The following RC3H2 variants were observed in gnomAD, a reference collection of about 807,000 sequenced individuals.
The protein encoded by RC3H2 is ring finger and CCCH-type domains 2.
RC3H2 carries 31 observed loss-of-function variants against 133.3 expected under a neutral mutation model. The ratio of observed to expected loss-of-function variants is 0.23; its 90% CI spans 0.17 to 0.31. The LOEUF (loss-of-function observed/expected upper bound fraction) is 0.31. RC3H2 is among the 10% of genes least tolerant of loss of function. The pLI, the probability that RC3H2 is intolerant of heterozygous loss-of-function variation, is 1.00. For missense variants in RC3H2, 1,175 were observed against 1,437.2 expected, an observed-to-expected ratio of 0.82 and a Z score of 2.95; for synonymous variants, 517 against 502.2, an observed-to-expected ratio of 1.03 and a Z score of -0.40.
rs1832793061 is a variant in RC3H2, at chr9:122,905,116, G to A, written c.-74C>T. 2.0e-6 allele frequency: 2 copies of A among 985,294 alleles called. No homozygotes were observed. Among genetic ancestry groups the A allele is most frequent in the African/African-American group, 1.7e-5 (1 of 57,240 alleles). 61.0% of individuals were successfully genotyped at this position (985,294 alleles called of 1,614,324 possible). A position where few individuals can be genotyped will look rare whatever the true frequency, so the allele number is the denominator to read the frequency against. On this transcript the variant is annotated 5_prime_UTR_variant, in exon 1 of 21. Coordinates refer to ENST00000357244, the MANE Select transcript of RC3H2 (RefSeq NM_001100588.3). ...GTGCCCGCCCCCGCCCTACCTGAGG[G>A]GGCCCGGGCGGGGTCGCTAAGGGCC...
intron 1 of RC3H2, among the ~76,000 whole-genome samples, chr9:122,901,857 G>A (rs1375080501): frequency 6.6e-6 from 1 of 151,554 alleles, no homozygotes; most frequent in East Asian, 1.9e-4. Context: ...CCAAAGTCCT[G>A]GGATTACAGG....
At chr9:122,855,510 C>G in intron 14 of RC3H2, 113 bp from the exon 15 acceptor site, 1 of 1,036,538 alleles carries the variant, frequency 9.6e-7, no homozygotes, top group Non-Finnish European at 1.4e-6. Context: ...AAAACTAGCT[C>G]TAGACTCAAC....
intron 8 of RC3H2, among the ~76,000 whole-genome samples, chr9:122,878,259 CTTTTTTA>C (rs1414721583): frequency 4.6e-5 from 7 of 151,978 alleles, no homozygotes; most frequent in Middle Eastern, 3.2e-3. Context: ...ACAGCACAAC[CTTTTTTA>C]TTTTTTATTT....
In RC3H2 at chr9:122,846,971, G is replaced by A. The variant is rs1490384944; in HGVS notation, c.*2656C>T. ...GAAGGTGACCACTACATAGAGAATG[G>A]ATGCAACACAGAATAATCTCAACAC... On this transcript the variant is annotated 3_prime_UTR_variant, in exon 21 of 21. Coordinates refer to ENST00000357244, the MANE Select transcript of RC3H2 (RefSeq NM_001100588.3). 4.6e-5 allele frequency: 7 copies of A among 152,082 alleles called. No homozygotes were observed. The highest frequency in any genetic ancestry group is 5.9e-5 in the Non-Finnish European group (4 of 67,976). The allele number at this position is 152,082 out of a possible 1,614,324, so 9.4% of individuals were successfully genotyped here. A position where few individuals can be genotyped will look rare whatever the true frequency, so the allele number is the denominator to read the frequency against.
At chr9:122,854,306 G>T in intron 16 of RC3H2, 40 bp from the exon 17 acceptor site, 1 of 1,518,690 alleles carries the variant, frequency 6.6e-7, no homozygotes, top group Non-Finnish European at 9.1e-7. Context: ...AAAGTGAAGT[G>T]AATGAAGCAA....
chr9:122,898,976 T>C (rs867118547), intron 1 of RC3H2, among the ~76,000 whole-genome samples: 2 of 152,014 alleles, frequency 1.3e-5, no homozygotes, highest in Middle Eastern at 3.4e-3. Flanking sequence ...AATATATTAG[T>C]TCCACAGAAA....
At chr9:122,875,516 A>G in intron 9 of RC3H2, 1 of 1,232,004 alleles carries the variant, frequency 8.1e-7, no homozygotes, top group Non-Finnish European at 1.1e-6. Flanking sequence ...AGTGGTTGTA[A>G]CAGATTCTGT....
At chr9:122,871,895 G>C (rs1446378246) in intron 9 of RC3H2, among the ~76,000 whole-genome samples, 7 of 151,758 alleles carry the variant, frequency 4.6e-5, no homozygotes, top group African/African-American at 1.5e-4. Context: ...TTATTTTAAA[G>C]GCAGAGTCTC....
At position 122,862,100 on chromosome 9, in the gene RC3H2, A is replaced by G. The variant is rs1033511162; in HGVS notation, c.1635-1969T>C. On this transcript the variant is annotated intron_variant, in intron 10 of 20. Transcript: ENST00000357244. ...ATTTGGATTAGTACTTTGAAATGGT[A>G]AACTCATAGACTTATCAACAAAAAG... Among the ~76,000 whole-genome samples, 8 of 152,258 alleles carry G rather than the reference A, an allele frequency of 5.3e-5. No homozygotes were observed. In the East Asian group the frequency reaches 1.5e-3, roughly 29 times the overall value.
intron 9 of RC3H2, chr9:122,875,213 T>C: frequency 6.4e-7 from 1 of 1,551,172 alleles, no homozygotes; most frequent in South Asian, 1.2e-5. Context: ...GGAAAAAAAC[T>C]GAGAAGAGAA....
Position 122,885,422 on chromosome 9 carries a change from GA to G in RC3H2, c.584-2044del, listed in dbSNP as rs769103595. 7.6e-4 allele frequency among the ~76,000 whole-genome samples: 116 copies of G among 152,284 alleles called. 2 individuals carry two copies. Among genetic ancestry groups the G allele is most frequent in the Admixed American group, 6.0e-3 (91 of 15,286 alleles). On this transcript the variant is annotated intron_variant, in intron 4 of 20. Transcript: ENST00000357244. ...ATCAAAACAATAGAGCTTAAGAGCT[GA>G]AAGATTATCTAGATTCAAAATACAA... is the stretch of plus-strand genomic sequence containing the variant.
At chr9:122,866,737 T>C (rs530711342) in intron 9 of RC3H2, among the ~76,000 whole-genome samples, 13 of 152,238 alleles carry the variant, frequency 8.5e-5, no homozygotes, top group East Asian at 1.9e-4. Context: ...AGTGCAGTGG[T>C]GTGATCTCAG....
intron 9 of RC3H2, among the ~76,000 whole-genome samples, chr9:122,867,245 C>A (rs1485855813): frequency 2.9e-5 from 3 of 102,594 alleles, no homozygotes; most frequent in Admixed American, 8.7e-5. Context: ...GGGATCAGCC[C>A]CCCGCCCGGC....
At chr9:122,905,042 CG>C in intron 1 of RC3H2, 67 bp downstream of exon 1, 1 of 966,276 alleles carries the variant, frequency 1.0e-6, no homozygotes, top group Non-Finnish European at 1.2e-6. Flanking sequence ...ACTGGTCTCC[CG>C]CCCGACCGCC....
intron 5 of RC3H2, among the ~76,000 whole-genome samples, chr9:122,882,681 C>T (rs1358000962): frequency 6.6e-6 from 1 of 152,184 alleles, no homozygotes; most frequent in African/African-American, 2.4e-5. Flanking sequence ...GGGTTCTTCT[C>T]TACCCTTTCC....
rs1441579785 is a variant in RC3H2, at chr9:122,865,574, G to T, written c.1409C>A (p.Thr470Lys). Reference sequence around the variant, plus strand: ...AGAAATGACATTTCCGGCTGTGGTTGTGACAGTGTTGTTTACACCAACTTT... The same window carrying T: ...AGAAATGACATTTCCGGCTGTGGTTTTGACAGTGTTGTTTACACCAACTTT... ...LNKVGVNNTV[T>K]TTAGNVISVI... Residue 470 changes from threonine (T) to lysine (K), a missense_variant, in exon 10 of 21, where the codon ACA becomes AAA. Physicochemically the swap from Thr to Lys is moderately conservative, Grantham distance 78. Transcript: ENST00000357244. 1.2e-6 allele frequency: 2 copies of T among 1,614,120 alleles called. No individual in the cohort carries two copies. Among genetic ancestry groups the T allele is most frequent in the Non-Finnish European group, 1.7e-6 (2 of 1,179,980 alleles).
In RC3H2 at chr9:122,861,844, A is replaced by C. The variant is rs115139512; in HGVS notation, c.1635-1713T>G. On this transcript the variant is annotated intron_variant, in intron 10 of 20. Transcript: ENST00000357244. ...TATATTAAAATGTAAAAAATAACTA[A>C]GGAACTGTGGGTAATAAAAGTAGGT... 4.1e-3 allele frequency among the ~76,000 whole-genome samples: 629 copies of C among 152,348 alleles called. 5 individuals are homozygous for C. The highest frequency in any genetic ancestry group is 0.015 in the African/African-American group (610 of 41,580).
At chr9:122,854,115 T>G (rs2131384769) in intron 17 of RC3H2, 29 bp from the exon 18 acceptor site, 1 of 1,612,176 alleles carries the variant, frequency 6.2e-7, no homozygotes, top group East Asian at 2.2e-5. Context: ...AAAGAAAAGT[T>G]AGCTTCCAAC....
intron 18 of RC3H2, among the ~76,000 whole-genome samples, chr9:122,853,402 A>G (rs904055885): frequency 6.6e-6 from 1 of 151,876 alleles, no homozygotes; most frequent in Non-Finnish European, 1.5e-5. Context: ...AAAAAAGAAA[A>G]ATACTGATTT....
Sources: allele counts gnomAD v4.1 joint callset (sites outside exome capture counted in the v4.1 genomes callset), GRCh38; gene constraint gnomAD v4.1.1; transcripts MANE v1.5; gene names NCBI Gene and HGNC (gene_info 2026-07-23, HGNC 2026-07-21).